Variants in ABCA12 observed in about 807,000 individuals in gnomAD.
ABCA12 encodes the protein ATP binding cassette subfamily A member 12, also known as glucosylceramide transporter ABCA12.
Under a neutral mutation model 293.5 loss-of-function variants are expected in ABCA12, and 156 were observed. That is an observed-to-expected ratio of 0.53 (90% CI 0.47 to 0.61). The LOEUF (loss-of-function observed/expected upper bound fraction) is 0.61, where lower values mean the gene tolerates loss of function less well. ABCA12 is among the 20% of genes least tolerant of loss of function. ABCA12 has a pLI of 0.00. For synonymous variants in ABCA12, 1,063 were observed against 1,108.0 expected (o/e 0.96, Z 0.81); for missense variants, 2,797 against 3,090.2 (o/e 0.91, Z 2.25).
At chr2:214,952,313 T>C (rs966509550) in intron 44 of ABCA12, among the ~76,000 whole-genome samples, 2 of 151,126 alleles carry the variant, frequency 1.3e-5, no homozygotes, top group Non-Finnish European at 2.9e-5. Flanking sequence ...CTCCGCCTCC[T>C]GGGTTCAAGC....
chr2:215,010,233 G>A (rs1700341548), intron 18 of ABCA12, 98 bp downstream of exon 18: 1 of 1,418,058 alleles, frequency 7.1e-7, no homozygotes, highest in East Asian at 2.3e-5. Context: ...TAGTAGGTAA[G>A]ATAGAAAGAA....
Position 215,049,701 on chromosome 2 carries a change from A to T in ABCA12, c.618T>A (p.Val206=). 1 of 1,613,712 alleles carries T rather than the reference A, an allele frequency of 6.2e-7. No individual in the cohort carries two copies. Among genetic ancestry groups the T allele is most frequent in the Non-Finnish European group, 8.5e-7 (1 of 1,179,780 alleles). ...TGTTAGAAAGGCAAAATTTGTTAAAAACATTTCTTCCTAGAAAGGTCCAAG... is the reference window on the plus strand; with the variant it reads ...TGTTAGAAAGGCAAAATTTGTTAAATACATTTCTTCCTAGAAAGGTCCAAG... The part of the protein sequence containing the change: ...AFSWTFLGRN[V]FNKFCLSNMT... The change falls in exon 6 of 53, where the codon GTT becomes GTA. Residue 206 remains valine, a synonymous_variant. Transcript: ENST00000272895.
intron 2 of ABCA12, among the ~76,000 whole-genome samples, chr2:215,083,221 C>T (rs1263515364): frequency 6.6e-6 from 1 of 152,170 alleles, no homozygotes; most frequent in African/African-American, 2.4e-5. Flanking sequence ...CCTGACATAT[C>T]TATAGAAATT....
In ABCA12 at chr2:214,954,032, T is replaced by A; in HGVS notation, c.6469A>T (p.Ile2157Phe). Residue 2157 changes from isoleucine to phenylalanine, a missense_variant, in exon 44 of 53, where the codon ATT becomes TTT. By Grantham distance (21) the Ile-to-Phe change is conservative. Transcript: ENST00000272895. Reference sequence around the variant, plus strand: ...ACCGACTGTTGTTGAGAAAGTTCAATCAAACCGTAGCCAAAACAGAATTGT... The same window carrying A: ...ACCGACTGTTGTTGAGAAAGTTCAAACAAACCGTAGCCAAAACAGAATTGT... ...FPQFCFGYGL[I>F]ELSQQQSVLD... The A allele has an allele frequency of 6.2e-7, 1 of 1,614,050 alleles. No homozygotes were observed. The highest frequency in any genetic ancestry group is 8.5e-7 in the Non-Finnish European group (1 of 1,179,988).
At chr2:215,085,395 A>C (rs1020168175) in intron 2 of ABCA12, 1 of 152,216 alleles carries the variant, frequency 6.6e-6, no homozygotes, top group Admixed American at 6.5e-5. Context: ...TACCACCCTA[A>C]GACCTTGGCC....
At position 215,110,961 on chromosome 2, in the gene ABCA12, G is replaced by T. The variant is rs1249955162; in HGVS notation, c.163+636C>A. 2.0e-5 allele frequency among the ~76,000 whole-genome samples: 3 copies of T among 152,154 alleles called. No individual in the cohort carries two copies. The East Asian group carries it at 5.8e-4, about 29-fold the overall frequency. On this transcript the variant is annotated intron_variant, in intron 2 of 52. Coordinates refer to ENST00000272895, the MANE Select transcript of ABCA12 (RefSeq NM_173076.3). Reference sequence around the variant, plus strand: ...AAAACAGCATTCATCAAGCCACTGGGGTTAAAACCCTCATCCCCCTCAGTT... The same window carrying T: ...AAAACAGCATTCATCAAGCCACTGGTGTTAAAACCCTCATCCCCCTCAGTT...
At chr2:215,014,260 A>C (rs2106005537) in intron 15 of ABCA12, among the ~76,000 whole-genome samples, 1 of 152,280 alleles carries the variant, frequency 6.6e-6, no homozygotes, top group South Asian at 2.1e-4. Context: ...CAGAATAGGA[A>C]AAGGGGATTT....
rs548903784 is a variant in ABCA12 at position 215,039,299 on chromosome 2, A to G, written c.873-2234T>C. Among the ~76,000 whole-genome samples, 5 of 152,360 alleles carry G rather than the reference A, an allele frequency of 3.3e-5. No homozygotes were observed. In the South Asian group the frequency reaches 1.0e-3, roughly 32 times the overall value. On this transcript the variant is annotated intron_variant, in intron 7 of 52. Transcript: ENST00000272895. ...TTTGTCTCTATTACTTGTTCAACAA[A>G]GATTAAGATAAACCAATGAGACCAT...
At chr2:215,033,822 T>C (rs184578864) in intron 8 of ABCA12, among the ~76,000 whole-genome samples, 1 of 152,014 alleles carries the variant, frequency 6.6e-6, no homozygotes, top group African/African-American at 2.4e-5. Context: ...GTGCCTGTAG[T>C]CCCAGGTACT....
chr2:215,006,865 G>A (rs1246922393), intron 19 of ABCA12, among the ~76,000 whole-genome samples: 1 of 113,022 alleles, frequency 8.8e-6, no homozygotes, highest in East Asian at 2.7e-4. Flanking sequence ...AGAAATTCCT[G>A]CCTTTTTTTT....
intron 2 of ABCA12, among the ~76,000 whole-genome samples, chr2:215,103,513 A>G (rs1311755172): frequency 6.6e-6 from 1 of 151,900 alleles, no homozygotes; most frequent in African/African-American, 2.4e-5. Context: ...CAGGTGATCC[A>G]CCCAACTCAG....
chr2:214,986,844 T>TA (rs1329970124), intron 27 of ABCA12, 116 bp from the exon 28 acceptor site: 2 of 961,110 alleles, frequency 2.1e-6, no homozygotes, highest in African/African-American at 1.7e-5. Flanking sequence ...CTAAGTAAAA[T>TA]AAAAAATCCA....
intron 2 of ABCA12, 104 bp from the exon 3 acceptor site, chr2:215,064,323 C>G: frequency 8.2e-7 from 1 of 1,221,014 alleles, no homozygotes; most frequent in Non-Finnish European, 1.2e-6. Flanking sequence ...TGGATTACCA[C>G]TCTCCGGGTC....
Position 214,963,923 on chromosome 2 carries a change from C to CAA in ABCA12, c.5884+2923_5884+2924dup, listed in dbSNP as rs71041974. Among the ~76,000 whole-genome samples the CAA allele has an allele frequency of 9.4e-3, 560 of 59,796 alleles. 37 individuals are homozygous for CAA. The highest frequency in any genetic ancestry group is 0.026 in the African/African-American group (365 of 14,148). 39.2% of individuals were successfully genotyped at this position (59,796 alleles called of 152,430 possible). A position where few individuals can be genotyped will look rare whatever the true frequency, so the allele number is the denominator to read the frequency against. On this transcript the variant is annotated intron_variant, in intron 39 of 52. Transcript: ENST00000272895. ...TGACTGACAGAGTGAGACTCTGCCT[C>CAA]AAAAAAAAAAAAAAAAAAAAAACTT...
chr2:214,947,094 CAG>C (rs1698605143), intron 48 of ABCA12, among the ~76,000 whole-genome samples: 1 of 152,148 alleles, frequency 6.6e-6, no homozygotes, highest in Admixed American at 6.5e-5. Flanking sequence ...AGGTGGGAAT[CAG>C]ATGCTACCAT....
chr2:214,982,220 T>C lies in ABCA12; in HGVS notation c.4546A>G (p.Ser1516Gly). ...STGVDPCSRR[S>G]IWDVISKNKT... Reference sequence around the variant, plus strand: ...TTCTTGGATATAACATCCCATATACTTCGGCGAGAACATGGGTCAACTCCA... The same window carrying C: ...TTCTTGGATATAACATCCCATATACCTCGGCGAGAACATGGGTCAACTCCA... Residue 1516 changes from serine (S) to glycine (G), a missense_variant, in exon 30 of 53, where the codon AGT (serine) becomes GGT (glycine). Physicochemically the swap from Ser to Gly is moderately conservative, Grantham distance 56. Transcript: ENST00000272895. 6.2e-7 allele frequency: 1 copy of C among 1,614,008 alleles called. No individual in the cohort carries two copies. The highest frequency in any genetic ancestry group is 1.1e-5 in the South Asian group (1 of 91,078).
At chr2:215,074,315 T>G (rs1479975470) in intron 2 of ABCA12, among the ~76,000 whole-genome samples, 1 of 152,218 alleles carries the variant, frequency 6.6e-6, no homozygotes, top group Non-Finnish European at 1.5e-5. Flanking sequence ...TAATAAGGCT[T>G]AAAGATGGTA....
intron 42 of ABCA12, 43 bp from the exon 43 acceptor site, chr2:214,955,404 A>C (rs538066407): frequency 1.6e-5 from 26 of 1,602,584 alleles, no homozygotes; most frequent in Non-Finnish European, 2.1e-5. Context: ...CGCCTCGGCC[A>C]GGCATGGTGG....
Position 215,018,617 on chromosome 2 carries a change from C to G in ABCA12, c.1658-485G>C, listed in dbSNP as rs1700557429. ...TACAGTTATAAAGGGTTTTTACAAT[C>G]ATTATCTCACTTTTAAATAGAACGT... On this transcript the variant is annotated intron_variant, in intron 13 of 52. Coordinates refer to ENST00000272895, the MANE Select transcript of ABCA12 (RefSeq NM_173076.3). Among the ~76,000 whole-genome samples, 3 of 152,210 alleles carry G rather than the reference C, an allele frequency of 2.0e-5. No homozygotes were observed. In the South Asian group the frequency reaches 6.2e-4, roughly 32 times the overall value.
Sources: allele counts gnomAD v4.1 joint callset (sites outside exome capture counted in the v4.1 genomes callset), GRCh38; gene constraint gnomAD v4.1.1; transcripts MANE v1.5; gene names NCBI Gene and HGNC (gene_info 2026-07-23, HGNC 2026-07-21).